Variants in SLC16A10 observed in about 807,000 individuals in gnomAD.
The protein encoded by SLC16A10 is monocarboxylate transporter 10.
In SLC16A10, 27 loss-of-function variants were observed where a neutral mutation model predicts 40.0. The observed-to-expected ratio is 0.67, with a 90% confidence interval of 0.50 to 0.93. SLC16A10 has a LOEUF of 0.93. SLC16A10 is among the 40% of genes least tolerant of loss of function. The pLI is 0.00. For synonymous variants in SLC16A10, 213 were observed against 249.8 expected (o/e 0.85, Z 1.39); for missense variants, 529 against 658.2 (o/e 0.80, Z 2.15).
intron 1 of SLC16A10, among the ~76,000 whole-genome samples, chr6:111,132,962 C>G (rs144250858): frequency 1.3e-5 from 2 of 152,330 alleles, no homozygotes; most frequent in East Asian, 3.9e-4. Flanking sequence ...CAAAAAAACT[C>G]AATCTCAATC....
At chr6:111,146,223 G>A (rs923445025) in intron 1 of SLC16A10, among the ~76,000 whole-genome samples, 1 of 152,194 alleles carries the variant, frequency 6.6e-6, no homozygotes, top group African/African-American at 2.4e-5. Context: ...AACCTCATTG[G>A]TCATTAGAGA....
At chr6:111,140,782 A>ATTATT (rs779103839) in intron 1 of SLC16A10, among the ~76,000 whole-genome samples, 321 of 152,244 alleles carry the variant, frequency 2.1e-3, no homozygotes, top group Non-Finnish European at 3.8e-3. Context: ...AATTTAATTA[A>ATTATT]TTATTTTATT....
chr6:111,152,516 A>G (rs937625768), intron 1 of SLC16A10, among the ~76,000 whole-genome samples: 2 of 152,256 alleles, frequency 1.3e-5, no homozygotes, highest in African/African-American at 4.8e-5. Flanking sequence ...ACCTTTAAAA[A>G]TCTTCCTTGT....
At chr6:111,128,697 T>C (rs918717774) in intron 1 of SLC16A10, among the ~76,000 whole-genome samples, 2 of 152,030 alleles carry the variant, frequency 1.3e-5, no homozygotes, top group South Asian at 2.1e-4. Flanking sequence ...TTGTTCCTTA[T>C]AGAAGATGGA....
At chr6:111,151,905 A>G (rs1772179312) in intron 1 of SLC16A10, among the ~76,000 whole-genome samples, 1 of 151,916 alleles carries the variant, frequency 6.6e-6, no homozygotes, top group Non-Finnish European at 1.5e-5. Flanking sequence ...TGGGCTGGAT[A>G]CCCCTCCTAA....
At chr6:111,164,720 T>C (rs1027351296) in intron 1 of SLC16A10, among the ~76,000 whole-genome samples, 2 of 152,168 alleles carry the variant, frequency 1.3e-5, no homozygotes, top group African/African-American at 4.8e-5. Flanking sequence ...ATCATGCCAC[T>C]GCACTCCATC....
At chr6:111,201,900 G>A (rs986664019) in intron 3 of SLC16A10, among the ~76,000 whole-genome samples, 4 of 152,212 alleles carry the variant, frequency 2.6e-5, no homozygotes, top group African/African-American at 9.7e-5. Flanking sequence ...CTTTATTGGA[G>A]CTGCTTTTGT....
intron 1 of SLC16A10, among the ~76,000 whole-genome samples, chr6:111,109,496 C>G (rs1277294867): frequency 6.7e-6 from 1 of 148,156 alleles, no homozygotes; most frequent in Admixed American, 6.8e-5. Flanking sequence ...GCTCTGACAT[C>G]CAGGCTGGAG....
intron 1 of SLC16A10, among the ~76,000 whole-genome samples, chr6:111,151,086 T>G (rs1772165311): frequency 6.6e-6 from 1 of 152,204 alleles, no homozygotes; most frequent in Non-Finnish European, 1.5e-5. Context: ...TAAAGGTAGT[T>G]TCTGGCTTGT....
intron 2 of SLC16A10, among the ~76,000 whole-genome samples, chr6:111,173,055 A>G (rs908970217): frequency 6.6e-6 from 1 of 152,190 alleles, no homozygotes; most frequent in Non-Finnish European, 1.5e-5. Flanking sequence ...AGACTTAGAC[A>G]TCAATCAGGA....
chr6:111,105,768 G>A (rs1432611217), intron 1 of SLC16A10, among the ~76,000 whole-genome samples: 1 of 152,228 alleles, frequency 6.6e-6, no homozygotes, highest in African/African-American at 2.4e-5. Context: ...CTCACGTGCT[G>A]TCCTGTGATC....
intron 3 of SLC16A10, among the ~76,000 whole-genome samples, chr6:111,188,626 T>G (rs1416965306): frequency 7.2e-5 from 11 of 152,152 alleles, no homozygotes; most frequent in Non-Finnish European, 1.3e-4. Context: ...TCAGCCTTTA[T>G]TAATCTAAAT....
At chr6:111,204,491 A>G (rs1170292612) in intron 3 of SLC16A10, among the ~76,000 whole-genome samples, 1 of 152,220 alleles carries the variant, frequency 6.6e-6, no homozygotes, top group Non-Finnish European at 1.5e-5. Flanking sequence ...GGAACACGGA[A>G]TACCTCAGGT....
intron 1 of SLC16A10, among the ~76,000 whole-genome samples, chr6:111,144,632 A>G (rs1446042385): frequency 2.6e-5 from 4 of 152,274 alleles, no homozygotes; most frequent in Admixed American, 2.6e-4. Flanking sequence ...ACTACTCTAT[A>G]GATCAGCAGT....
intron 3 of SLC16A10, among the ~76,000 whole-genome samples, chr6:111,205,901 C>G (rs1773245135): frequency 6.6e-6 from 1 of 152,184 alleles, no homozygotes; most frequent in Non-Finnish European, 1.5e-5. Context: ...AGAAATAAAA[C>G]TCCAGAATTG....
intron 1 of SLC16A10, among the ~76,000 whole-genome samples, chr6:111,152,315 A>G (rs1217497572): frequency 6.6e-6 from 1 of 152,204 alleles, no homozygotes; most frequent in Non-Finnish European, 1.5e-5. Context: ...CTCCATGAAG[A>G]CAGGGATTAG....
chr6:111,105,525 G>GT (rs796432538), intron 1 of SLC16A10, among the ~76,000 whole-genome samples: 6 of 152,300 alleles, frequency 3.9e-5, no homozygotes, highest in African/African-American at 1.4e-4. Context: ...AGGGGAGGAG[G>GT]TGTCATCTTT....
intron 1 of SLC16A10, among the ~76,000 whole-genome samples, chr6:111,118,766 A>G (rs953905109): frequency 6.6e-6 from 1 of 151,208 alleles, no homozygotes; most frequent in Non-Finnish European, 1.5e-5. Flanking sequence ...TGAAGGACTC[A>G]AAGCAGTTGA....
At chr6:111,190,043 C>T (rs1430076651) in intron 3 of SLC16A10, among the ~76,000 whole-genome samples, 1 of 152,166 alleles carries the variant, frequency 6.6e-6, no homozygotes, top group Admixed American at 6.5e-5. Context: ...TCCCCTCTGC[C>T]TATGAATCTG....
Sources: gnomAD v4.1 joint callset for allele counts (sites outside exome capture counted in the v4.1 genomes callset) on GRCh38, gnomAD v4.1.1 for gene constraint, MANE v1.5 for transcripts, NCBI Gene and HGNC (gene_info 2026-07-23, HGNC 2026-07-21) for gene names.